The following CADM1 variants were observed in gnomAD, a reference collection of about 807,000 sequenced individuals.
The protein encoded by CADM1 is TSLC-1.
A neutral mutation model predicts 53.1 loss-of-function variants in CADM1; 15 were observed. That is an observed-to-expected ratio of 0.28 (90% CI 0.19 to 0.44). The LOEUF (loss-of-function observed/expected upper bound fraction) is 0.44, where lower values mean the gene tolerates loss of function less well. Among genes scored for constraint, CADM1 ranks in the 20% least tolerant of loss-of-function variants. The pLI, the probability that CADM1 is intolerant of heterozygous loss-of-function variation, is 1.00. For missense variants in CADM1, 434 were observed against 611.3 expected (o/e 0.71, Z 3.06); for synonymous variants, 281 against 243.0 (o/e 1.16, Z -1.45).
At chr11:115,372,901 C>G (rs1305862682) in intron 1 of CADM1, among the ~76,000 whole-genome samples, 1 of 152,196 alleles carries the variant, frequency 6.6e-6, no homozygotes, top group East Asian at 1.9e-4. Flanking sequence ...CAGAAGTATT[C>G]AAGATGGGCC....
intron 8 of CADM1, among the ~76,000 whole-genome samples, chr11:115,205,743 T>C (rs1940644388): frequency 6.6e-6 from 1 of 152,152 alleles, no homozygotes; most frequent in Non-Finnish European, 1.5e-5. Flanking sequence ...AGACTATCAA[T>C]ACACAGGAAA....
Position 115,489,909 on chromosome 11 carries a change from A to G in CADM1, c.124+14362T>C, listed in dbSNP as rs568105978. 2.0e-5 allele frequency among the ~76,000 whole-genome samples: 3 copies of G among 152,324 alleles called. No individual in the cohort carries two copies. In the East Asian group the frequency reaches 5.8e-4, roughly 29 times the overall value. On this transcript the variant is annotated intron_variant, in intron 1 of 11. Transcript: ENST00000331581. ...GCTTAAGGTAGAGGAGGTAGCATAT[A>G]AAAAGCAGAGAGGCATGGGAGAGCA...
In CADM1 at chr11:115,174,292, T is replaced by A. The variant is rs1938918205; in HGVS notation, c.*2182A>T. Reference sequence around the variant, plus strand: ...TTTTTTTTTTTTGTTTTTGTTTTTGTTTTTCTTTTTTTCTAAAAAGAACAA... The same window carrying A: ...TTTTTTTTTTTTGTTTTTGTTTTTGATTTTCTTTTTTTCTAAAAAGAACAA... On this transcript the variant is annotated 3_prime_UTR_variant, in exon 12 of 12. Transcript: ENST00000331581. 1 of 985,332 alleles carries A rather than the reference T, an allele frequency of 1.0e-6. No homozygotes were observed. The highest frequency in any genetic ancestry group is 1.2e-6 in the Non-Finnish European group (1 of 829,728). 61.0% of individuals were successfully genotyped at this position (985,332 alleles called of 1,614,324 possible).
intron 1 of CADM1, among the ~76,000 whole-genome samples, chr11:115,309,992 G>T (rs149958068): frequency 1.3e-5 from 2 of 152,210 alleles, no homozygotes; most frequent in Non-Finnish European, 2.9e-5. Flanking sequence ...AGTTAATGCA[G>T]AATGGCATGG....
chr11:115,365,556 A>G (rs1163933593), intron 1 of CADM1, among the ~76,000 whole-genome samples: 1 of 152,122 alleles, frequency 6.6e-6, no homozygotes, highest in African/African-American at 2.4e-5. Context: ...CAAATAAAAA[A>G]ACAAAAATAT....
chr11:115,468,228 A>C (rs1048192037), intron 1 of CADM1, among the ~76,000 whole-genome samples: 1 of 152,252 alleles, frequency 6.6e-6, no homozygotes, highest in Non-Finnish European at 1.5e-5. Context: ...ATTGGGGGAA[A>C]AAATCAAGAC....
intron 1 of CADM1, among the ~76,000 whole-genome samples, chr11:115,352,829 G>T (rs1945771127): frequency 6.6e-6 from 1 of 152,058 alleles, no homozygotes; most frequent in Non-Finnish European, 1.5e-5. Flanking sequence ...GTTTCACTCA[G>T]CTAGTGCCTG....
chr11:115,387,392 A>G (rs2135171611), intron 1 of CADM1, among the ~76,000 whole-genome samples: 1 of 152,248 alleles, frequency 6.6e-6, no homozygotes, highest in African/African-American at 2.4e-5. Flanking sequence ...ATTGAAAGGA[A>G]AATGAAGCAA....
chr11:115,306,301 G>T (rs986215514), intron 1 of CADM1, among the ~76,000 whole-genome samples: 15 of 152,010 alleles, frequency 9.9e-5, no homozygotes, highest in African/African-American at 3.6e-4. Context: ...TAGCGTAGGA[G>T]CAATAGGCCA....
intron 4 of CADM1, among the ~76,000 whole-genome samples, chr11:115,230,552 T>G (rs779591327): frequency 1.3e-5 from 2 of 152,162 alleles, no homozygotes; most frequent in Non-Finnish European, 2.9e-5. Flanking sequence ...GAATTTAAGA[T>G]AACTGGCAAA....
chr11:115,457,767 A>T (rs1948710440), intron 1 of CADM1, among the ~76,000 whole-genome samples: 1 of 152,144 alleles, frequency 6.6e-6, no homozygotes, highest in African/African-American at 2.4e-5. Flanking sequence ...TTGTAAAATT[A>T]AAAGTCACAG....
intron 1 of CADM1, among the ~76,000 whole-genome samples, chr11:115,395,003 G>A (rs541396433): frequency 7.2e-5 from 11 of 152,234 alleles, no homozygotes; most frequent in Admixed American, 2.0e-4. Context: ...GTAGGAAGGG[G>A]CACAACAGAT....
rs916121337 is a variant in CADM1 at position 115,325,197 on chromosome 11, A to G, written c.125-84777T>C. Among the ~76,000 whole-genome samples, 6 of 152,152 alleles carry G rather than the reference A, an allele frequency of 3.9e-5. No individual in the cohort carries two copies. In the East Asian group the frequency reaches 9.7e-4, roughly 24 times the overall value. ...CCATAGGTCACCAACAATCCCTTAGATTATCTCCCCAGAGGGCTCTCACAC... is the reference window on the plus strand; with the variant it reads ...CCATAGGTCACCAACAATCCCTTAGGTTATCTCCCCAGAGGGCTCTCACAC... On this transcript the variant is annotated intron_variant, in intron 1 of 11. Coordinates refer to ENST00000331581, the MANE Select transcript of CADM1 (RefSeq NM_001301043.2).
chr11:115,309,113 A>G (rs1377618934), intron 1 of CADM1, among the ~76,000 whole-genome samples: 1 of 152,106 alleles, frequency 6.6e-6, no homozygotes, highest in East Asian at 1.9e-4. Flanking sequence ...CTTTATTCTT[A>G]TACAAGCTAT....
At chr11:115,474,001 A>T (rs1403750469) in intron 1 of CADM1, among the ~76,000 whole-genome samples, 3 of 152,162 alleles carry the variant, frequency 2.0e-5, no homozygotes, top group African/African-American at 7.2e-5. Flanking sequence ...TTTTTAAAAA[A>T]TAGGCAAAAT....
At chr11:115,297,473 G>A (rs1186097837) in intron 1 of CADM1, among the ~76,000 whole-genome samples, 1 of 152,134 alleles carries the variant, frequency 6.6e-6, no homozygotes. Flanking sequence ...GTCTTATAGA[G>A]AAAATAAGGC....
At position 115,183,904 on chromosome 11, in the gene CADM1, C is replaced by T. The variant is rs186545595; in HGVS notation, c.1166-5129G>A. Among the ~76,000 whole-genome samples, 20 of 152,312 alleles carry T rather than the reference C, an allele frequency of 1.3e-4. No individual in the cohort carries two copies. The South Asian group carries it at 3.3e-3, about 25-fold the overall frequency. On this transcript the variant is annotated intron_variant, in intron 10 of 11. Coordinates refer to ENST00000331581, the MANE Select transcript of CADM1 (RefSeq NM_001301043.2). ...CTCAGCGTTCTGTGCTTCCCCCATC[C>T]GTGGATGACTGGAGGAAAAGAATTG...
chr11:115,262,485 T>C (rs1326895562), intron 1 of CADM1, among the ~76,000 whole-genome samples: 1 of 152,232 alleles, frequency 6.6e-6, no homozygotes, highest in Non-Finnish European at 1.5e-5. Context: ...TAAGTGCCTC[T>C]CCTGTGTGTT....
chr11:115,310,047 T>A (rs17118229), intron 1 of CADM1, among the ~76,000 whole-genome samples: 21,151 of 152,070 alleles, frequency 0.14, 1,684 homozygotes, highest in African/African-American at 0.19. Context: ...TATTCAAGAC[T>A]TGTTAAGTTT....
Sources: allele counts gnomAD v4.1 joint callset (sites outside exome capture counted in the v4.1 genomes callset), GRCh38; gene constraint gnomAD v4.1.1; transcripts MANE v1.5; gene names NCBI Gene and HGNC (gene_info 2026-07-23, HGNC 2026-07-21).